Variants in TMEM135 observed in about 807,000 individuals in gnomAD.
TMEM135 encodes peroxisomal membrane protein 52.
A neutral mutation model predicts 60.3 loss-of-function variants in TMEM135; 30 were observed. The observed-to-expected ratio is 0.50, with a 90% CI of 0.37 to 0.68. The LOEUF (loss-of-function observed/expected upper bound fraction) is 0.68, where lower values mean the gene tolerates loss of function less well. TMEM135 is among the 30% of genes least tolerant of loss of function. The pLI is 0.00. For synonymous variants in TMEM135, 190 were observed against 186.7 expected (o/e 1.02, Z -0.14); for missense variants, 468 against 548.8 (o/e 0.85, Z 1.47).
intron 5 of TMEM135, among the ~76,000 whole-genome samples, chr11:87,206,902 G>A (rs1203546504): frequency 1.3e-5 from 2 of 152,004 alleles, no homozygotes; most frequent in Non-Finnish European, 2.9e-5. Flanking sequence ...TAGTATGTAT[G>A]TTAGAACCTG....
At chr11:87,180,777 TCAA>T (rs1421212041) in intron 5 of TMEM135, among the ~76,000 whole-genome samples, 1 of 152,064 alleles carries the variant, frequency 6.6e-6, no homozygotes, top group Non-Finnish European at 1.5e-5. Context: ...GGGTTGATTG[TCAA>T]CAACAACAAA....
chr11:87,291,514 G>GTTT (rs1790498843), intron 6 of TMEM135, among the ~76,000 whole-genome samples: 2 of 86,176 alleles, frequency 2.3e-5, no homozygotes, highest in Non-Finnish European at 4.5e-5. Flanking sequence ...GCAGCCAAGT[G>GTTT]ATTTTTTTTT....
chr11:87,115,924 ATTTAG>A (rs1489584903), intron 4 of TMEM135, among the ~76,000 whole-genome samples: 1 of 152,106 alleles, frequency 6.6e-6, no homozygotes, highest in Non-Finnish European at 1.5e-5. Flanking sequence ...TTTATATGCT[ATTTAG>A]TTTATTTAAC....
At chr11:87,192,585 C>A (rs1939835515) in intron 5 of TMEM135, among the ~76,000 whole-genome samples, 1 of 152,064 alleles carries the variant, frequency 6.6e-6, no homozygotes, top group African/African-American at 2.4e-5. Context: ...TTTCAAAAAA[C>A]CGCCTATGTT....
chr11:87,165,689 G>C lies in TMEM135; in HGVS notation c.462+8283G>C, dbSNP rs186162836. Among the ~76,000 whole-genome samples, 128 of 151,580 alleles carry C rather than the reference G, an allele frequency of 8.4e-4. 4 individuals are homozygous for C. The highest frequency in any genetic ancestry group is 6.8e-3 in the Middle Eastern group (2 of 292). ...TGGTCCTGGACTCTTTACTAGAAAA[G>C]CAAGAGCAAATACATTCAAAAGCTA... On this transcript the variant is annotated intron_variant, in intron 5 of 14. Transcript: ENST00000305494.
intron 5 of TMEM135, among the ~76,000 whole-genome samples, chr11:87,168,207 T>G (rs936239236): frequency 2.0e-5 from 3 of 152,174 alleles, no homozygotes; most frequent in Non-Finnish European, 4.4e-5. Context: ...TCTTTCGTTC[T>G]TTATTAGTCT....
intron 5 of TMEM135, among the ~76,000 whole-genome samples, chr11:87,161,261 A>G (rs1938870612): frequency 6.6e-6 from 1 of 152,158 alleles, no homozygotes; most frequent in African/African-American, 2.4e-5. Context: ...AATCATTAAA[A>G]TTAATGAATG....
intron 1 of TMEM135, among the ~76,000 whole-genome samples, chr11:87,039,317 T>C (rs1265587177): frequency 4.6e-5 from 7 of 152,210 alleles, no homozygotes; most frequent in Admixed American, 4.6e-4. Flanking sequence ...TCATGTATGT[T>C]AGGAATCCTC....
intron 1 of TMEM135, among the ~76,000 whole-genome samples, chr11:87,038,609 C>CTTTTTTTT (rs3045930): frequency 8.8e-6 from 1 of 113,910 alleles, no homozygotes; most frequent in Non-Finnish European, 1.8e-5. Flanking sequence ...TTTTATTTTG[C>CTTTTTTTT]TTTTTTTTTT....
rs1343694190 is a variant in TMEM135 at position 87,091,430 on chromosome 11, A to G, written c.396+35A>G. 6 of 1,602,162 alleles carry G rather than the reference A, an allele frequency of 3.7e-6. No homozygotes were observed. In the Admixed American group the frequency reaches 1.0e-4, roughly 27 times the overall value. On this transcript the variant is annotated intron_variant, in intron 4 of 14. Transcript: ENST00000305494. ...TTGTTTTAACCTTTGATGTCTTCCC[A>G]TAAGCTATATCTTTTTAAAATCAAG...
intron 5 of TMEM135, among the ~76,000 whole-genome samples, chr11:87,161,694 C>T (rs1182486029): frequency 6.6e-6 from 1 of 152,144 alleles, no homozygotes; most frequent in African/African-American, 2.4e-5. Context: ...TAAGTGACTT[C>T]TGTAGCCAGT....
chr11:87,280,159 A>G (rs980814997), intron 6 of TMEM135, among the ~76,000 whole-genome samples: 4 of 152,264 alleles, frequency 2.6e-5, no homozygotes, highest in African/African-American at 9.6e-5. Context: ...GTATATGTTT[A>G]GATGGCATTA....
chr11:87,094,845 A>G (rs1032865439), intron 4 of TMEM135: 2 of 166,942 alleles, frequency 1.2e-5, no homozygotes, highest in Non-Finnish European at 2.7e-5. Flanking sequence ...TTCTTGTAAC[A>G]TAGGATTTTG....
At chr11:87,169,595 A>G (rs1939171973) in intron 5 of TMEM135, among the ~76,000 whole-genome samples, 2 of 152,058 alleles carry the variant, frequency 1.3e-5, no homozygotes, top group African/African-American at 4.8e-5. Context: ...TTCTGGGTTG[A>G]AAATCTTTTC....
At chr11:87,305,819 T>TTC (rs199830508) in intron 8 of TMEM135, 117 bp from the exon 9 acceptor site, 10,538 of 468,224 alleles carry the variant, frequency 0.023, 139 homozygotes, top group Admixed American at 0.034. Context: ...TGATGTTTTC[T>TTC]TCTCTCTCTT....
intron 5 of TMEM135, among the ~76,000 whole-genome samples, chr11:87,210,189 G>T (rs552156717): frequency 1.3e-5 from 2 of 152,218 alleles, no homozygotes; most frequent in African/African-American, 4.8e-5. Flanking sequence ...ATGAAATTGA[G>T]TTGTGAAAAT....
At chr11:87,149,829 A>G (rs960348703) in intron 4 of TMEM135, among the ~76,000 whole-genome samples, 3 of 152,206 alleles carry the variant, frequency 2.0e-5, no homozygotes, top group African/African-American at 7.2e-5. Flanking sequence ...GCACTGCTCT[A>G]TTAAAATTGT....
chr11:87,105,766 G>T (rs1476529513), intron 4 of TMEM135, among the ~76,000 whole-genome samples: 1 of 152,036 alleles, frequency 6.6e-6, no homozygotes, highest in Non-Finnish European at 1.5e-5. Flanking sequence ...TTTATTTACA[G>T]ATTTCTGTAG....
At chr11:87,299,978 GA>G (rs536104462) in intron 7 of TMEM135, among the ~76,000 whole-genome samples, 60 of 152,280 alleles carry the variant, frequency 3.9e-4, no homozygotes, top group African/African-American at 1.4e-3. Context: ...GAGCATTTAA[GA>G]TGAATTTTAA....
Sources: gnomAD v4.1 joint callset for allele counts (sites outside exome capture counted in the v4.1 genomes callset) on GRCh38, gnomAD v4.1.1 for gene constraint, MANE v1.5 for transcripts, NCBI Gene and HGNC (gene_info 2026-07-23, HGNC 2026-07-21) for gene names.